Variants in RGS6 observed in about 807,000 individuals in gnomAD.
RGS6 encodes the protein regulator of G-protein signaling 6.
In RGS6, 30 loss-of-function variants were observed where a neutral mutation model predicts 78.5. The ratio of observed to expected loss-of-function variants is 0.38; its 90% CI spans 0.29 to 0.52. RGS6 has a LOEUF of 0.52. RGS6 is among the 20% of genes least tolerant of loss of function. The pLI, the probability that RGS6 is intolerant of heterozygous loss-of-function variation, is 0.85. For synonymous variants in RGS6, 206 were observed against 206.0 expected, an observed-to-expected ratio of 1.00 and a Z score of 0.00; for missense variants, 495 against 609.7, an observed-to-expected ratio of 0.81 and a Z score of 1.98.
intron 3 of RGS6, among the ~76,000 whole-genome samples, chr14:72,358,530 T>C (rs2080836955): frequency 6.6e-6 from 1 of 152,258 alleles, no homozygotes; most frequent in African/African-American, 2.4e-5. Flanking sequence ...AAGGAGATTA[T>C]TTCATAACTT....
chr14:72,055,354 ACTT>A (rs1006974440), intron 2 of RGS6, among the ~76,000 whole-genome samples: 2 of 152,074 alleles, frequency 1.3e-5, no homozygotes, highest in Non-Finnish European at 2.9e-5. Flanking sequence ...CTACTGATAT[ACTT>A]CTTAAGTATT....
chr14:72,321,016 T>C (rs1448127223), intron 2 of RGS6, among the ~76,000 whole-genome samples: 1 of 150,916 alleles, frequency 6.6e-6, no homozygotes, highest in Non-Finnish European at 1.5e-5. Flanking sequence ...ATATGTAATA[T>C]ATAAGGTACA....
intron 2 of RGS6, among the ~76,000 whole-genome samples, chr14:72,047,086 G>A (rs2092906789): frequency 6.6e-6 from 1 of 152,090 alleles, no homozygotes; most frequent in Admixed American, 6.5e-5. Context: ...TCCGCTTTGG[G>A]CAGTAACTTG....
intron 2 of RGS6, among the ~76,000 whole-genome samples, chr14:72,269,715 C>A (rs930631364): frequency 6.6e-6 from 1 of 151,908 alleles, no homozygotes; most frequent in Non-Finnish European, 1.5e-5. Flanking sequence ...CAGGCACCCA[C>A]CACCATGCCT....
chr14:72,041,561 A>G (rs2092403070), intron 2 of RGS6, among the ~76,000 whole-genome samples: 1 of 151,848 alleles, frequency 6.6e-6, no homozygotes, highest in Non-Finnish European at 1.5e-5. Flanking sequence ...ATGTGCATTC[A>G]CTCCTCTTTT....
chr14:72,224,305 C>T (rs1226003111), intron 2 of RGS6, among the ~76,000 whole-genome samples: 1 of 152,042 alleles, frequency 6.6e-6, no homozygotes, highest in Non-Finnish European at 1.5e-5. Context: ...CCAGTCTCAG[C>T]TACTCAAGAG....
chr14:72,613,041 C>T, the RGS6 span, among the ~76,000 whole-genome samples: 3 of 137,996 alleles, frequency 2.2e-5, no homozygotes, highest in East Asian at 4.5e-4. Context: ...TATGTGCGTG[C>T]GTGCACGCAC....
At chr14:72,603,606 A>G in the RGS6 span, among the ~76,000 whole-genome samples, 1 of 152,362 alleles carries the variant, frequency 6.6e-6, no homozygotes, top group African/African-American at 2.4e-5. Context: ...AACAAGACAC[A>G]GTGCGTGCCC....
the RGS6 span, among the ~76,000 whole-genome samples, chr14:71,877,254 A>G: frequency 6.6e-6 from 1 of 152,196 alleles, no homozygotes. Flanking sequence ...CTCCTGGATA[A>G]TATCCTTAAG....
intron 2 of RGS6, among the ~76,000 whole-genome samples, chr14:72,170,204 A>G (rs190776504): frequency 4.7e-4 from 72 of 152,362 alleles, no homozygotes; most frequent in African/African-American, 1.5e-3. Context: ...CCTTCTTACC[A>G]ATAAATTCTG....
chr14:71,898,075 A>C, the RGS6 span, among the ~76,000 whole-genome samples: 1 of 151,998 alleles, frequency 6.6e-6, no homozygotes, highest in African/African-American at 2.4e-5. Context: ...ACATTGTGAA[A>C]ATGATAAAAT....
At chr14:71,947,307 CCCATGCCTAGGGTAT>C (rs2091672224) in intron 1 of RGS6, among the ~76,000 whole-genome samples, 1 of 152,174 alleles carries the variant, frequency 6.6e-6, no homozygotes, top group South Asian at 2.1e-4. Context: ...ATACCTCACC[CCCATGCCTAGGGTAT>C]TTAGTGTCAT....
intron 2 of RGS6, among the ~76,000 whole-genome samples, chr14:72,196,404 G>C (rs892564484): frequency 1.3e-5 from 2 of 152,192 alleles, no homozygotes; most frequent in African/African-American, 2.4e-5. Flanking sequence ...GAATGCTACT[G>C]TCTGTCCCCC....
At chr14:72,119,944 G>A (rs1307819755) in intron 2 of RGS6, among the ~76,000 whole-genome samples, 1 of 152,180 alleles carries the variant, frequency 6.6e-6, no homozygotes, top group African/African-American at 2.4e-5. Flanking sequence ...GGTGAGGAGT[G>A]GAGTGTTGCC....
chr14:72,059,860 C>G (rs1029674765), intron 2 of RGS6, among the ~76,000 whole-genome samples: 2 of 152,180 alleles, frequency 1.3e-5, no homozygotes, highest in African/African-American at 2.4e-5. Context: ...CAGACACTGC[C>G]TGATCTTGAT....
chr14:72,266,051 C>T (rs2059016619), intron 2 of RGS6, among the ~76,000 whole-genome samples: 1 of 152,102 alleles, frequency 6.6e-6, no homozygotes, highest in Non-Finnish European at 1.5e-5. Flanking sequence ...ACACAGTAAA[C>T]TGTTTCCCTA....
chr14:72,294,966 T>C (rs1449859135), intron 2 of RGS6, among the ~76,000 whole-genome samples: 1 of 152,146 alleles, frequency 6.6e-6, no homozygotes, highest in Non-Finnish European at 1.5e-5. Context: ...GGAGGAAACT[T>C]GGTATGCTTT....
At chr14:72,298,088 C>T (rs73304937) in intron 2 of RGS6, among the ~76,000 whole-genome samples, 7,296 of 152,014 alleles carry the variant, frequency 0.048, 371 homozygotes, top group African/African-American at 0.13. Context: ...TAGCTGACAT[C>T]GGTCAAGAAC....
At chr14:72,389,349 C>G (rs2089292319) in intron 3 of RGS6, among the ~76,000 whole-genome samples, 1 of 152,146 alleles carries the variant, frequency 6.6e-6, no homozygotes, top group African/African-American at 2.4e-5. Context: ...CCAGTATGCC[C>G]TAAGATAATA....
Sources: gnomAD v4.1 joint callset for allele counts (sites outside exome capture counted in the v4.1 genomes callset) on GRCh38, gnomAD v4.1.1 for gene constraint, MANE v1.5 for transcripts, NCBI Gene and HGNC (gene_info 2026-07-23, HGNC 2026-07-21) for gene names.